CBLB: variants seen among roughly 807,000 people sequenced by gnomAD.
CBLB encodes E3 ubiquitin-protein ligase CBL-B.
A neutral mutation model predicts 104.9 loss-of-function variants in CBLB; 31 were observed. That is an observed-to-expected ratio of 0.30 (90% CI 0.22 to 0.40). CBLB has a LOEUF of 0.40. Among genes scored for constraint, CBLB ranks in the 10% least tolerant of loss-of-function variants. The pLI is 1.00. For missense variants in CBLB, 1,062 were observed against 1,214.6 expected (o/e 0.87, Z 1.87); for synonymous variants, 440 against 422.6 (o/e 1.04, Z -0.51).
intron 9 of CBLB, among the ~76,000 whole-genome samples, chr3:105,733,159 C>T (rs2074510894): frequency 6.6e-6 from 1 of 151,958 alleles, no homozygotes. Context: ...AGATCGAGAC[C>T]ATCCTGGCTA....
chr3:105,720,253 A>G lies in CBLB; in HGVS notation c.1204-3T>C. On this transcript the variant is annotated splice_polypyrimidine_tract_variant and splice_region_variant and intron_variant, in intron 9 of 18. Coordinates refer to ENST00000394030, the MANE Select transcript of CBLB (RefSeq NM_170662.5). ...GGGCAGCCCTGACCATCCGACTCCT[A>G]AACAAATAGAAAATGCATGGATTGG... 1.2e-6 allele frequency: 2 copies of G among 1,609,018 alleles called. No homozygotes were observed. The highest frequency in any genetic ancestry group is 1.7e-6 in the Non-Finnish European group (2 of 1,177,042).
chr3:105,715,126 A>G (rs1018575055), intron 10 of CBLB, among the ~76,000 whole-genome samples: 3 of 152,216 alleles, frequency 2.0e-5, no homozygotes, highest in South Asian at 4.1e-4. Context: ...AAATGAAGCA[A>G]ATCACTGGGT....
At chr3:105,780,835 TGTA>T (rs1262727713) in intron 3 of CBLB, among the ~76,000 whole-genome samples, 1 of 151,886 alleles carries the variant, frequency 6.6e-6, no homozygotes, top group Non-Finnish European at 1.5e-5. Flanking sequence ...GCTAATTTTT[TGTA>T]GTTTTAGTAG....
In CBLB at chr3:105,868,821, G is replaced by A. The variant is rs1242264119; in HGVS notation, c.-100C>T. The A allele has an allele frequency of 1.5e-5, 15 of 994,776 alleles. No individual in the cohort carries two copies. Among genetic ancestry groups the A allele is most frequent in the Non-Finnish European group, 1.8e-5 (15 of 836,474 alleles). 61.6% of individuals were successfully genotyped at this position (994,776 alleles called of 1,614,324 possible). The stretch of plus-strand genomic sequence containing the variant: ...CAGCCCAGTGTGTGTGGGGAGCCCC[G>A]GCTGGGAGTGGGATCGCTGAGAACA... On this transcript the variant is annotated 5_prime_UTR_variant, in exon 1 of 19. Coordinates refer to ENST00000394030, the MANE Select transcript of CBLB (RefSeq NM_170662.5).
At chr3:105,679,087 T>C (rs927835089) in intron 16 of CBLB, among the ~76,000 whole-genome samples, 1 of 152,130 alleles carries the variant, frequency 6.6e-6, no homozygotes, top group Non-Finnish European at 1.5e-5. Context: ...TAATGTTTCA[T>C]ATATTTGATA....
intron 10 of CBLB, among the ~76,000 whole-genome samples, chr3:105,713,884 T>C (rs2071463289): frequency 1.3e-5 from 2 of 152,178 alleles, no homozygotes; most frequent in African/African-American, 4.8e-5. Context: ...GCTTGCAGGA[T>C]ATTTAGTATC....
In CBLB at chr3:105,734,105, A is replaced by G. The variant is rs763796027; in HGVS notation, c.1107T>C (p.Thr369=). The G allele has an allele frequency of 6.2e-7, 1 of 1,613,978 alleles. No homozygotes were observed. Among genetic ancestry groups the G allele is most frequent in the South Asian group, 1.1e-5 (1 of 91,090 alleles). Residue 369 remains threonine, a synonymous_variant, in exon 9 of 19, where the codon ACT becomes ACC. Coordinates refer to ENST00000394030, the MANE Select transcript of CBLB (RefSeq NM_170662.5). The part of the protein sequence containing the change: ...QYELYCEMGS[T]FQLCKICAEN... ...CTGCACAAATCTTACAGAGCTGAAA[A>G]GTGGAGCCCATTTCACAATATAATT... is the stretch of plus-strand genomic sequence containing the variant.
intron 2 of CBLB, among the ~76,000 whole-genome samples, chr3:105,858,855 T>TAGTA (rs2091856097): frequency 6.6e-6 from 1 of 152,226 alleles, no homozygotes; most frequent in African/African-American, 2.4e-5. Context: ...TTGTATTTGC[T>TAGTA]TAAATGTATT....
intron 7 of CBLB, among the ~76,000 whole-genome samples, chr3:105,737,857 G>A (rs1385211371): frequency 6.6e-6 from 1 of 152,022 alleles, no homozygotes; most frequent in African/African-American, 2.4e-5. Context: ...ATTAGAAAAT[G>A]TTACGTTTCC....
At chr3:105,851,363 T>C (rs1310896146) in intron 3 of CBLB, among the ~76,000 whole-genome samples, 3 of 150,768 alleles carry the variant, frequency 2.0e-5, no homozygotes, top group Non-Finnish European at 4.4e-5. Flanking sequence ...GATCAGCGGT[T>C]GCCATGGGTT....
At chr3:105,836,495 G>A (rs1268108713) in intron 3 of CBLB, among the ~76,000 whole-genome samples, 1 of 152,176 alleles carries the variant, frequency 6.6e-6, no homozygotes, top group African/African-American at 2.4e-5. Context: ...GCACCCCGCA[G>A]AGGCAATATG....
chr3:105,859,330 G>T (rs2091897193), intron 2 of CBLB, among the ~76,000 whole-genome samples: 1 of 152,166 alleles, frequency 6.6e-6, no homozygotes, highest in African/African-American at 2.4e-5. Flanking sequence ...ATACTCTCAA[G>T]TGAACTGCCT....
chr3:105,720,182 G>T lies in CBLB; in HGVS notation c.1272C>A (p.Asp424Glu). The T allele has an allele frequency of 6.2e-7, 1 of 1,613,412 alleles. No homozygotes were observed. Among genetic ancestry groups the T allele is most frequent in the Non-Finnish European group, 8.5e-7 (1 of 1,179,756 alleles). Residue 424 changes from aspartate (D) to glutamate (E), a missense_variant, in exon 10 of 19, where the codon GAC (aspartate) becomes GAA (glutamate). Transcript: ENST00000394030. Reference protein sequence around the residue: ...EIKGTEPIIVDPFDPRDEGSR... With the variant: ...EIKGTEPIIVEPFDPRDEGSR... ...AGCCTTCATCTCTTGGATCAAAGGG[G>T]TCCACGATTATGGGCTCAGTTCCTT...
Position 105,866,600 on chromosome 3 carries a change from T to C in CBLB, c.168+810A>G, listed in dbSNP as rs550910125. On this transcript the variant is annotated intron_variant, in intron 2 of 18. Coordinates refer to ENST00000394030, the MANE Select transcript of CBLB (RefSeq NM_170662.5). ...AAAGCAGCAAGCTACATCTTAAATT[T>C]ATTTTATAATCATACTTAGTAAGGT... Among the ~76,000 whole-genome samples, 3 of 152,352 alleles carry C rather than the reference T, an allele frequency of 2.0e-5. No individual in the cohort carries two copies. In the South Asian group the frequency reaches 6.2e-4, roughly 32 times the overall value.
rs2069271562 is a variant in CBLB, at chr3:105,702,344, C to A, written c.1709G>T (p.Arg570Ile). 1 of 1,613,728 alleles carries A rather than the reference C, an allele frequency of 6.2e-7. No individual in the cohort carries two copies. Among genetic ancestry groups the A allele is most frequent in the South Asian group, 1.1e-5 (1 of 91,060 alleles). Residue 570 changes from arginine (R) to isoleucine (I), a missense_variant, in exon 12 of 19, where the codon AGA becomes ATA. Physicochemically the swap from Arg to Ile is moderately conservative, Grantham distance 97. Transcript: ENST00000394030. Reference sequence around the variant, plus strand: ...CACATGATGGATGTGTCTACTCAGTCTATTGTCTGGTGGGATTGGTGGAGG... The same window carrying A: ...CACATGATGGATGTGTCTACTCAGTATATTGTCTGGTGGGATTGGTGGAGG... ...ERPPPIPPDN[R>I]LSRHIHHVES...
At chr3:105,766,203 A>G (rs913458687) in intron 4 of CBLB, among the ~76,000 whole-genome samples, 8 of 152,206 alleles carry the variant, frequency 5.3e-5, no homozygotes, top group African/African-American at 1.7e-4. Flanking sequence ...TGCAAATCTC[A>G]TAAAATTTGA....
Position 105,659,229 on chromosome 3 carries a change from T to C in CBLB, c.2690A>G (p.Asp897Gly), listed in dbSNP as rs2063549446. The C allele has an allele frequency of 2.5e-6, 4 of 1,613,686 alleles. No individual in the cohort carries two copies. The highest frequency in any genetic ancestry group is 1.3e-5 in the African/African-American group (1 of 74,910). The stretch of plus-strand genomic sequence containing the variant: ...GGGTCTGGCTGGTGCCTGTGAACCA[T>C]CTGTGTAGATTTTTAAAGAGAGATA... ...QDYDQLPSCSDGSQAPARPPK... is the reference protein window; with the variant it reads ...QDYDQLPSCSGGSQAPARPPK... Residue 897 changes from aspartate to glycine, a missense_variant and splice_region_variant, in exon 19 of 19, where the codon GAT becomes GGT. Physicochemically the swap from Asp to Gly is moderately conservative, Grantham distance 94. Transcript: ENST00000394030.
Position 105,754,533 on chromosome 3 carries a change from G to C in CBLB, c.567-2915C>G, listed in dbSNP as rs867137767. 3.2e-3 allele frequency among the ~76,000 whole-genome samples: 410 copies of C among 129,388 alleles called. 4 individuals carry two copies. The highest frequency in any genetic ancestry group is 0.011 in the African/African-American group (326 of 30,334). The allele number at this position is 129,388 out of a possible 152,430, so 84.9% of individuals were successfully genotyped here. ...AGAGAGAGAGAGAGACAGAGAGAGA[G>C]AGAGAGAGAGAGAGAGAGAGAGAGA... On this transcript the variant is annotated intron_variant, in intron 4 of 18. Coordinates refer to ENST00000394030, the MANE Select transcript of CBLB (RefSeq NM_170662.5).
chr3:105,864,279 C>G (rs903661805), intron 2 of CBLB, among the ~76,000 whole-genome samples: 6 of 152,110 alleles, frequency 3.9e-5, no homozygotes, highest in Admixed American at 2.6e-4. Flanking sequence ...AGGTCAAAGG[C>G]GGGATTATGT....
Sources: allele counts gnomAD v4.1 joint callset (sites outside exome capture counted in the v4.1 genomes callset), GRCh38; gene constraint gnomAD v4.1.1; transcripts MANE v1.5; gene names NCBI Gene and HGNC (gene_info 2026-07-23, HGNC 2026-07-21).